GULP1: variants seen among roughly 807,000 people sequenced by gnomAD.
GULP1 encodes GULP PTB domain containing engulfment adaptor 1.
A neutral mutation model predicts 40.9 loss-of-function variants in GULP1; 19 were observed. The ratio of observed to expected loss-of-function variants is 0.46; its 90% CI spans 0.32 to 0.68. GULP1 has a LOEUF of 0.68. Ranked by LOEUF, GULP1 falls within the 30% of genes least tolerant of loss-of-function variation. GULP1 has a pLI of 0.03. For missense variants in GULP1, 312 were observed against 362.2 expected (o/e 0.86, Z 1.12); for synonymous variants, 119 against 117.6 (o/e 1.01, Z -0.08).
At chr2:188,391,653 A>T (rs1055980264) in intron 2 of GULP1, among the ~76,000 whole-genome samples, 1 of 152,042 alleles carries the variant, frequency 6.6e-6, no homozygotes, top group African/African-American at 2.4e-5. Context: ...TATATTGAAT[A>T]GAAGTGCTGA....
At chr2:188,516,079 G>A (rs2065141058) in intron 4 of GULP1, among the ~76,000 whole-genome samples, 1 of 152,104 alleles carries the variant, frequency 6.6e-6, no homozygotes, top group Non-Finnish European at 1.5e-5. Context: ...TTGTACTGCT[G>A]TGCTTTTATT....
intron 1 of GULP1, among the ~76,000 whole-genome samples, chr2:188,303,945 A>G (rs908308971): frequency 6.6e-6 from 1 of 152,164 alleles, no homozygotes; most frequent in African/African-American, 2.4e-5. Flanking sequence ...TTTGGAAATG[A>G]TTGTTTAGAG....
rs1245754176 is a variant in GULP1 at position 188,408,259 on chromosome 2, G to A, written c.-45+24370G>A. On this transcript the variant is annotated intron_variant, in intron 2 of 11. Coordinates refer to ENST00000409830, the MANE Select transcript of GULP1 (RefSeq NM_016315.4). ...ACCAGATGCCAGCACCATACTCTTGGACATCTCAGCCTCTAGAACTGCGAG... is the reference window on the plus strand; with the variant it reads ...ACCAGATGCCAGCACCATACTCTTGAACATCTCAGCCTCTAGAACTGCGAG... Among the ~76,000 whole-genome samples the A allele has an allele frequency of 3.9e-5, 6 of 152,106 alleles. No homozygotes were observed. The East Asian group carries it at 1.2e-3, about 29-fold the overall frequency.
At chr2:188,408,337 A>G (rs1420494778) in intron 2 of GULP1, among the ~76,000 whole-genome samples, 1 of 152,180 alleles carries the variant, frequency 6.6e-6, no homozygotes, top group East Asian at 1.9e-4. Flanking sequence ...ATTCTGTTAT[A>G]GTAACAGAAA....
chr2:188,517,645 T>G (rs776574434), intron 4 of GULP1, among the ~76,000 whole-genome samples: 1 of 152,214 alleles, frequency 6.6e-6, no homozygotes, highest in Non-Finnish European at 1.5e-5. Context: ...GCTTGTCATC[T>G]GCTGACTGAT....
intron 4 of GULP1, among the ~76,000 whole-genome samples, chr2:188,514,040 AGTGTGTGTGTGT>A (rs1164481151): frequency 0.045 from 5,541 of 123,052 alleles, 164 homozygotes; most frequent in Non-Finnish European, 0.059. Context: ...TCCCCTTCTG[AGTGTGTGTGTGT>A]GTGTGTGTGT....
rs958542114 is a variant in GULP1, at chr2:188,554,295, C to T, written c.399+12977C>T. Among the ~76,000 whole-genome samples, 11 of 151,964 alleles carry T rather than the reference C, an allele frequency of 7.2e-5. No homozygotes were observed. The East Asian group carries it at 1.5e-3, about 21-fold the overall frequency. On this transcript the variant is annotated intron_variant, in intron 7 of 11. Transcript: ENST00000409830. ...TGATACAGGAATTTATTGCTATAAA[C>T]GTTCCTCTTAGCACTGCTTTTACTG...
intron 1 of GULP1, among the ~76,000 whole-genome samples, chr2:188,293,554 G>C (rs927279933): frequency 1.3e-5 from 2 of 152,164 alleles, no homozygotes; most frequent in Non-Finnish European, 2.9e-5. Flanking sequence ...AGAGGAATTG[G>C]AAATTCTTCA....
At chr2:188,427,489 G>A (rs2056354218) in intron 2 of GULP1, among the ~76,000 whole-genome samples, 1 of 152,208 alleles carries the variant, frequency 6.6e-6, no homozygotes, top group Admixed American at 6.5e-5. Flanking sequence ...CCAGGCCCAG[G>A]GCCTTGCTGC....
intron 6 of GULP1, among the ~76,000 whole-genome samples, chr2:188,540,378 A>G (rs1690140259): frequency 6.6e-6 from 1 of 151,766 alleles, no homozygotes; most frequent in Non-Finnish European, 1.5e-5. Flanking sequence ...TATTTTATAT[A>G]AATATTTTTA....
chr2:188,564,282 C>T (rs897765830), intron 7 of GULP1, among the ~76,000 whole-genome samples: 3 of 151,420 alleles, frequency 2.0e-5, no homozygotes, highest in African/African-American at 7.3e-5. Context: ...AGGAAGGGCA[C>T]AAGGATTGGA....
At chr2:188,397,692 C>T (rs2051482626) in intron 2 of GULP1, among the ~76,000 whole-genome samples, 1 of 152,192 alleles carries the variant, frequency 6.6e-6, no homozygotes, top group African/African-American at 2.4e-5. Context: ...ACCTCTGGCT[C>T]TAGATCTCTC....
At chr2:188,351,851 T>C (rs1346586391) in intron 1 of GULP1, among the ~76,000 whole-genome samples, 3 of 152,202 alleles carry the variant, frequency 2.0e-5, no homozygotes, top group Non-Finnish European at 4.4e-5. Flanking sequence ...ATTTATTCAG[T>C]AAATATTTGC....
intron 2 of GULP1, among the ~76,000 whole-genome samples, chr2:188,431,046 C>A (rs1191812843): frequency 6.6e-6 from 1 of 152,100 alleles, no homozygotes; most frequent in Admixed American, 6.5e-5. Flanking sequence ...TATCTTTGGT[C>A]TTTCTTCTGT....
intron 10 of GULP1, among the ~76,000 whole-genome samples, chr2:188,586,768 A>T (rs1021712413): frequency 6.6e-6 from 1 of 152,150 alleles, no homozygotes; most frequent in African/African-American, 2.4e-5. Flanking sequence ...GAATCTGGGA[A>T]AAAACATGAA....
At chr2:188,493,537 A>G (rs2062613008) in intron 4 of GULP1, among the ~76,000 whole-genome samples, 1 of 151,974 alleles carries the variant, frequency 6.6e-6, no homozygotes, top group Admixed American at 6.6e-5. Flanking sequence ...TCTCTTGATG[A>G]CTTTCCTGCC....
chr2:188,429,853 G>GACA (rs1287663877), intron 2 of GULP1, among the ~76,000 whole-genome samples: 5 of 152,006 alleles, frequency 3.3e-5, no homozygotes, highest in African/African-American at 9.7e-5. Flanking sequence ...TGGGACTACG[G>GACA]GCACCTGCCA....
chr2:188,365,254 A>G (rs1193329113), intron 1 of GULP1, among the ~76,000 whole-genome samples: 1 of 152,208 alleles, frequency 6.6e-6, no homozygotes. Flanking sequence ...CCATATCTTA[A>G]TGGAAGATCT....
chr2:188,310,304 G>T (rs1355665407), intron 1 of GULP1, among the ~76,000 whole-genome samples: 2 of 152,134 alleles, frequency 1.3e-5, no homozygotes, highest in Non-Finnish European at 2.9e-5. Context: ...AGTAATATAA[G>T]TAAATTGGAA....
Sources: gnomAD v4.1 joint callset for allele counts (sites outside exome capture counted in the v4.1 genomes callset) on GRCh38, gnomAD v4.1.1 for gene constraint, MANE v1.5 for transcripts, NCBI Gene and HGNC (gene_info 2026-07-23, HGNC 2026-07-21) for gene names.